Variants in PHACTR1 observed in about 807,000 individuals in gnomAD.
PHACTR1 encodes the protein RPEL repeat containing 1.
Under a neutral mutation model 69.2 loss-of-function variants are expected in PHACTR1, and 16 were observed. That is an observed-to-expected ratio of 0.23 (90% CI 0.16 to 0.35). The LOEUF (loss-of-function observed/expected upper bound fraction) is 0.35. PHACTR1 is among the 10% of genes least tolerant of loss of function. The pLI, the probability that PHACTR1 is intolerant of heterozygous loss-of-function variation, is 1.00. For missense variants in PHACTR1, 510 were observed against 734.7 expected (o/e 0.69, Z 3.54); for synonymous variants, 312 against 284.5 (o/e 1.10, Z -0.97).
intron 4 of PHACTR1, among the ~76,000 whole-genome samples, chr6:12,821,462 CAAA>C (rs71552718): frequency 0.082 from 6,495 of 79,410 alleles, 158 homozygotes; most frequent in East Asian, 0.21. Context: ...GATTTCACAT[CAAA>C]AAAAAAAAAA....
chr6:13,020,619 C>T (rs1034726233), intron 4 of PHACTR1, among the ~76,000 whole-genome samples: 2 of 152,144 alleles, frequency 1.3e-5, no homozygotes, highest in Non-Finnish European at 2.9e-5. Context: ...TCACTGGAAG[C>T]AGGACAAAGA....
chr6:13,125,715 G>C (rs935248783), intron 5 of PHACTR1, among the ~76,000 whole-genome samples: 2 of 152,138 alleles, frequency 1.3e-5, no homozygotes, highest in Admixed American at 1.3e-4. Flanking sequence ...AATCACTTGA[G>C]CCCAGGAGTT....
intron 4 of PHACTR1, among the ~76,000 whole-genome samples, chr6:12,790,975 G>C (rs1412753): frequency 0.37 from 55,949 of 151,990 alleles, 11,054 homozygotes; most frequent in African/African-American, 0.49. Flanking sequence ...AAAGAAGGCA[G>C]AATGAATAAT....
At chr6:13,098,550 T>C (rs1330684389) in intron 5 of PHACTR1, among the ~76,000 whole-genome samples, 1 of 152,176 alleles carries the variant, frequency 6.6e-6, no homozygotes, top group Non-Finnish European at 1.5e-5. Flanking sequence ...CTACTTGATA[T>C]CCCTAGTCTG....
chr6:12,743,607 A>G (rs1039498549), intron 3 of PHACTR1, among the ~76,000 whole-genome samples: 5 of 152,190 alleles, frequency 3.3e-5, no homozygotes, highest in African/African-American at 1.2e-4. Flanking sequence ...AGAAGAGCTA[A>G]CTATCTTAAA....
chr6:12,901,568 C>T (rs953478621), intron 4 of PHACTR1, among the ~76,000 whole-genome samples: 2 of 152,152 alleles, frequency 1.3e-5, no homozygotes, highest in East Asian at 3.9e-4. Flanking sequence ...AATCTTGGCT[C>T]ACTGCAACCT....
intron 7 of PHACTR1, among the ~76,000 whole-genome samples, chr6:13,197,329 G>A (rs1042341636): frequency 2.6e-5 from 4 of 152,208 alleles, no homozygotes; most frequent in African/African-American, 9.6e-5. Context: ...GCAGGCCTCA[G>A]GCTAGATTTC....
In PHACTR1 at chr6:12,827,431, C is replaced by A. The variant is rs183326310; in HGVS notation, c.250+77641C>A. ...AGAGCTTACACAAAGGCCTTCTAAT[C>A]CAAAGATGCCATTCATTCTAACTTA... On this transcript the variant is annotated intron_variant, in intron 4 of 14. Transcript: ENST00000332995. Among the ~76,000 whole-genome samples, 136 of 152,244 alleles carry A rather than the reference C, an allele frequency of 8.9e-4. 1 individual carries two copies. The highest frequency in any genetic ancestry group is 9.0e-4 in the Non-Finnish European group (61 of 67,982).
chr6:12,972,579 C>T (rs949740701), intron 4 of PHACTR1, among the ~76,000 whole-genome samples: 10 of 152,114 alleles, frequency 6.6e-5, no homozygotes, highest in Admixed American at 5.2e-4. Context: ...TCTGGCCTGC[C>T]GGCATTCCGT....
chr6:12,944,777 A>ATTTATTTTTTTTTT (rs1554172498), intron 4 of PHACTR1, among the ~76,000 whole-genome samples: 1 of 135,758 alleles, frequency 7.4e-6, no homozygotes, highest in African/African-American at 2.9e-5. Context: ...TTATTTATTT[A>ATTTATTTTTTTTTT]TTTTTATTTA....
chr6:12,831,052 G>A (rs1777521049), intron 4 of PHACTR1, among the ~76,000 whole-genome samples: 2 of 152,050 alleles, frequency 1.3e-5, no homozygotes, highest in African/African-American at 4.8e-5. Context: ...TTGAATTCCA[G>A]AAACCTACAA....
intron 4 of PHACTR1, among the ~76,000 whole-genome samples, chr6:12,856,917 GC>G (rs1425133325): frequency 2.0e-5 from 3 of 152,192 alleles, no homozygotes; most frequent in African/African-American, 4.8e-5. Context: ...AAAGGACCCT[GC>G]AGCGGCAAGG....
At chr6:12,834,309 C>A (rs956903961) in intron 4 of PHACTR1, among the ~76,000 whole-genome samples, 1 of 152,070 alleles carries the variant, frequency 6.6e-6, no homozygotes, top group Non-Finnish European at 1.5e-5. Flanking sequence ...AACCCTGGGA[C>A]CTGATTGGCA....
intron 4 of PHACTR1, among the ~76,000 whole-genome samples, chr6:12,818,580 A>C (rs1775853667): frequency 6.6e-6 from 1 of 152,238 alleles, no homozygotes; most frequent in South Asian, 2.1e-4. Context: ...GTGGTCACTC[A>C]GATTCTACAG....
chr6:12,769,212 T>A (rs1769067682), intron 4 of PHACTR1, among the ~76,000 whole-genome samples: 1 of 152,132 alleles, frequency 6.6e-6, no homozygotes, highest in Admixed American at 6.5e-5. Flanking sequence ...AGAGAAGACT[T>A]TGAATGTTGT....
chr6:12,886,568 C>A (rs1198578638), intron 4 of PHACTR1, among the ~76,000 whole-genome samples: 1 of 152,150 alleles, frequency 6.6e-6, no homozygotes, highest in Non-Finnish European at 1.5e-5. Flanking sequence ...GACATGCACC[C>A]AAAGGATTCG....
At chr6:13,123,420 A>T (rs1228518191) in intron 5 of PHACTR1, among the ~76,000 whole-genome samples, 1 of 152,258 alleles carries the variant, frequency 6.6e-6, no homozygotes, top group South Asian at 2.1e-4. Context: ...GGAGCTTAAC[A>T]GCTTGGCCCT....
intron 5 of PHACTR1, among the ~76,000 whole-genome samples, chr6:13,070,234 T>C (rs1809294393): frequency 6.6e-6 from 1 of 152,208 alleles, no homozygotes; most frequent in African/African-American, 2.4e-5. Context: ...TAGATATGCA[T>C]TGGTGTCTTT....
At chr6:13,064,604 ATC>A (rs1561776436) in intron 5 of PHACTR1, among the ~76,000 whole-genome samples, 1,724 of 7,400 alleles carry the variant, frequency 0.23, 501 homozygotes, top group Non-Finnish European at 0.26. Context: ...ATATATATAT[ATC>A]TATATATCTA....
Sources: allele counts gnomAD v4.1 joint callset (sites outside exome capture counted in the v4.1 genomes callset), GRCh38; gene constraint gnomAD v4.1.1; transcripts MANE v1.5; gene names NCBI Gene and HGNC (gene_info 2026-07-23, HGNC 2026-07-21).